PTPRG: variants seen among roughly 807,000 people sequenced by gnomAD.
PTPRG encodes receptor-type tyrosine-protein phosphatase gamma.
In PTPRG, 102 loss-of-function variants were observed where a neutral mutation model predicts 165.3. The ratio of observed to expected loss-of-function variants is 0.62; its 90% CI spans 0.53 to 0.73. The LOEUF (loss-of-function observed/expected upper bound fraction) is 0.73. Ranked by LOEUF, PTPRG falls within the 30% of genes least tolerant of loss-of-function variation. The probability of loss-of-function intolerance (pLI) is 0.00; values close to 1 mark genes in which losing one functional copy is unlikely to be tolerated. For synonymous variants in PTPRG, 675 were observed against 669.5 expected, an observed-to-expected ratio of 1.01 and a Z score of -0.13; for missense variants, 1,866 against 1,861.4, an observed-to-expected ratio of 1.00 and a Z score of -0.05.
chr3:62,199,596 T>C (rs1700050404), intron 10 of PTPRG, among the ~76,000 whole-genome samples: 1 of 152,024 alleles, frequency 6.6e-6, no homozygotes, highest in Non-Finnish European at 1.5e-5. Flanking sequence ...TTTTGTTTTG[T>C]TTTTATAGAA....
rs577834334 is a variant in PTPRG at position 62,273,437 on chromosome 3, G to A, written c.3319-261G>A. ...GAACACGATTTTTTGTTTGCTTATTGAGTTGAAGCAATAAGCACAGTATAG... is the reference window on the plus strand; with the variant it reads ...GAACACGATTTTTTGTTTGCTTATTAAGTTGAAGCAATAAGCACAGTATAG... On this transcript the variant is annotated intron_variant, in intron 22 of 29. Coordinates refer to ENST00000474889, the MANE Select transcript of PTPRG (RefSeq NM_002841.4). This position sits in a 1 kb window ranked among gnomAD's most constrained non-coding sequence, Gnocchi z 4.1. Among the ~76,000 whole-genome samples the A allele has an allele frequency of 6.6e-6, 1 of 152,222 alleles. No individual in the cohort carries two copies. The highest frequency in any genetic ancestry group is 2.1e-4 in the South Asian group (1 of 4,818).
intron 1 of PTPRG, among the ~76,000 whole-genome samples, chr3:61,672,396 C>A (rs549820996): frequency 1.5e-5 from 2 of 134,362 alleles, no homozygotes; most frequent in Non-Finnish European, 3.2e-5. Context: ...TGTAGCGAGC[C>A]GAGATCACGC....
At chr3:62,161,160 A>G (rs1704746075) in intron 7 of PTPRG, among the ~76,000 whole-genome samples, 1 of 152,156 alleles carries the variant, frequency 6.6e-6, no homozygotes, top group African/African-American at 2.4e-5. Context: ...TATGTATAAA[A>G]TGCTTAGACT....
intron 5 of PTPRG, among the ~76,000 whole-genome samples, chr3:62,115,838 C>G (rs541715209): frequency 2.6e-5 from 4 of 152,036 alleles, no homozygotes; most frequent in Admixed American, 2.6e-4. Context: ...CTCCTGACCC[C>G]AAGGCACATT....
chr3:61,777,447 A>G (rs1575655885), intron 2 of PTPRG, among the ~76,000 whole-genome samples: 2 of 152,188 alleles, frequency 1.3e-5, no homozygotes, highest in Non-Finnish European at 1.5e-5. Flanking sequence ...TTAAGCACCT[A>G]TTAGGTGGCA....
intron 1 of PTPRG, among the ~76,000 whole-genome samples, chr3:61,564,808 G>T (rs1699866434): frequency 6.6e-6 from 1 of 152,136 alleles, no homozygotes; most frequent in African/African-American, 2.4e-5. Flanking sequence ...TGGGGCGCGC[G>T]TGCCCGGGTT....
chr3:61,593,837 A>G (rs1335981372), intron 1 of PTPRG, among the ~76,000 whole-genome samples: 1 of 152,140 alleles, frequency 6.6e-6, no homozygotes, highest in Non-Finnish European at 1.5e-5. Context: ...GCTAGCTGGT[A>G]CTCATCAAGA....
intron 2 of PTPRG, among the ~76,000 whole-genome samples, chr3:61,854,423 A>C (rs2037046076): frequency 6.6e-6 from 1 of 152,162 alleles, no homozygotes; most frequent in Non-Finnish European, 1.5e-5. Flanking sequence ...CTGGCAAAAA[A>C]TTGATTCCTC....
chr3:61,644,015 C>A (rs67188723), intron 1 of PTPRG, among the ~76,000 whole-genome samples: 14,059 of 152,182 alleles, frequency 0.092, 782 homozygotes, highest in East Asian at 0.19. Context: ...AGCCCCTACC[C>A]TAACAGAGAC....
At chr3:62,039,269 G>GT (rs5849458) in intron 4 of PTPRG, among the ~76,000 whole-genome samples, 3,735 of 144,082 alleles carry the variant, frequency 0.026, 54 homozygotes, top group South Asian at 0.064. Context: ...TTTTGTTTTT[G>GT]TTTTTTTTTT....
At chr3:62,007,849 A>G (rs1296248443) in intron 4 of PTPRG, among the ~76,000 whole-genome samples, 1 of 152,238 alleles carries the variant, frequency 6.6e-6, no homozygotes, top group East Asian at 1.9e-4. Context: ...GTGTTTGTTA[A>G]GTTTAAGGAA....
At position 62,203,317 on chromosome 3, in the gene PTPRG, G is replaced by T; in HGVS notation, c.1522G>T (p.Ala508Ser). 6.2e-7 allele frequency: 1 copy of T among 1,613,990 alleles called. No individual in the cohort carries two copies. Among genetic ancestry groups the T allele is most frequent in the Non-Finnish European group, 8.5e-7 (1 of 1,180,022 alleles). Residue 508 changes from alanine (A) to serine (S), a missense_variant, in exon 12 of 30, where the codon GCC (alanine) becomes TCC (serine). Around this residue, in one of 3 missense-constraint regions of PTPRG, gnomAD observed 1,452 missense variants for 1,463.0 expected, o/e 0.99. Transcript: ENST00000474889. The surrounding 1 kb of genome is among the most constrained non-coding windows in gnomAD (Gnocchi z 6.4). ...CTCCAGTGGCAGCCAGGCCACAGTG[G>T]CCTCGGTGGTCACCAGCACGCTGCT... is the stretch of plus-strand genomic sequence containing the variant. ...PSSSGSQATV[A>S]SVVTSTLLAG...
At chr3:61,915,591 G>A (rs1004670073) in intron 2 of PTPRG, among the ~76,000 whole-genome samples, 5 of 152,308 alleles carry the variant, frequency 3.3e-5, no homozygotes, top group Non-Finnish European at 5.9e-5. Flanking sequence ...GCACAATAAA[G>A]TTTGTAAATC....
At position 61,960,443 on chromosome 3, in the gene PTPRG, A is replaced by G. The variant is rs367573056; in HGVS notation, c.191-29182A>G. 1.2e-4 allele frequency among the ~76,000 whole-genome samples: 19 copies of G among 152,258 alleles called. No individual in the cohort carries two copies. In the East Asian group the frequency reaches 2.3e-3, roughly 19 times the overall value. ...CATGGCACTCTGTAATGTGCATAAT[A>G]TAATCATTTAGCTTTTGGGGTGATT... On this transcript the variant is annotated intron_variant, in intron 2 of 29. Coordinates refer to ENST00000474889, the MANE Select transcript of PTPRG (RefSeq NM_002841.4).
chr3:62,228,522 A>T lies in PTPRG; in HGVS notation c.2289-2703A>T, dbSNP rs1700818651. ...GAGCAAAACTCCATCTCAAAAAAAAAAAAGAAAGAAAGAAAAAAGAAAAAG... is the reference window on the plus strand; with the variant it reads ...GAGCAAAACTCCATCTCAAAAAAAATAAAGAAAGAAAGAAAAAAGAAAAAG... On this transcript the variant is annotated intron_variant, in intron 13 of 29. Coordinates refer to ENST00000474889, the MANE Select transcript of PTPRG (RefSeq NM_002841.4). The surrounding 1 kb of genome is among the most constrained non-coding windows in gnomAD (Gnocchi z 4.1). Among the ~76,000 whole-genome samples the T allele has an allele frequency of 6.6e-6, 1 of 151,992 alleles. No individual in the cohort carries two copies. Among genetic ancestry groups the T allele is most frequent in the Non-Finnish European group, 1.5e-5 (1 of 67,998 alleles).
chr3:61,725,492 A>T (rs2032219817), intron 1 of PTPRG, among the ~76,000 whole-genome samples: 1 of 152,078 alleles, frequency 6.6e-6, no homozygotes, highest in Non-Finnish European at 1.5e-5. Flanking sequence ...CTGCCTTTGC[A>T]CCTTTGTCAA....
intron 1 of PTPRG, among the ~76,000 whole-genome samples, chr3:61,612,141 C>T (rs1001585452): frequency 6.6e-6 from 1 of 152,140 alleles, no homozygotes; most frequent in Non-Finnish European, 1.5e-5. Context: ...CAGGGTTTCA[C>T]CTTGTTGGTC....
chr3:61,853,599 G>C (rs2037024753), intron 2 of PTPRG, among the ~76,000 whole-genome samples: 1 of 152,184 alleles, frequency 6.6e-6, no homozygotes, highest in South Asian at 2.1e-4. Context: ...TAGAAAACTT[G>C]TTTCAGAACT....
chr3:62,078,153 G>A lies in PTPRG; in HGVS notation c.520-10G>A, dbSNP rs751580535. 71 of 1,556,060 alleles carry A rather than the reference G, an allele frequency of 4.6e-5. No homozygotes were observed. Among genetic ancestry groups the A allele is most frequent in the Non-Finnish European group, 6.1e-5 (70 of 1,138,838 alleles). ...ATTTTCCTAATACATTTTTTTAATT[G>A]TTCTTACAGATGCAGATTTTCTTTT... is the stretch of plus-strand genomic sequence containing the variant. On this transcript the variant is annotated splice_polypyrimidine_tract_variant and intron_variant, in intron 4 of 29. Transcript: ENST00000474889.
Sources: gnomAD v4.1 joint callset for allele counts (sites outside exome capture counted in the v4.1 genomes callset) on GRCh38, gnomAD v4.1.1 for gene constraint, gnomAD v4.1.1 regional missense constraint, Gnocchi (gnomAD v3.1) non-coding constraint, MANE v1.5 for transcripts, NCBI Gene and HGNC (gene_info 2026-07-23, HGNC 2026-07-21) for gene names.